The following MAP2K5 variants were observed in gnomAD, a reference collection of about 807,000 sequenced individuals.
The protein encoded by MAP2K5 is mitogen-activated protein kinase kinase 5.
MAP2K5 carries 49 observed loss-of-function variants against 83.1 expected under a neutral mutation model. The ratio of observed to expected loss-of-function variants is 0.59; its 90% CI spans 0.47 to 0.75. The LOEUF is 0.75. MAP2K5 is among the 30% of genes least tolerant of loss of function. The probability of loss-of-function intolerance (pLI) is 0.00; values close to 1 mark genes in which losing one functional copy is unlikely to be tolerated. For missense variants in MAP2K5, 457 were observed against 557.5 expected (o/e 0.82, Z 1.82); for synonymous variants, 202 against 191.8 (o/e 1.05, Z -0.44).
At chr15:67,582,415 A>G (rs1056256830) in intron 4 of MAP2K5, among the ~76,000 whole-genome samples, 2 of 152,194 alleles carry the variant, frequency 1.3e-5, no homozygotes, top group African/African-American at 2.4e-5. Context: ...GGCAAGTTTC[A>G]AAATTCTTTC....
At chr15:67,705,187 A>G (rs1344962409) in intron 16 of MAP2K5, among the ~76,000 whole-genome samples, 1 of 152,210 alleles carries the variant, frequency 6.6e-6, no homozygotes, top group Non-Finnish European at 1.5e-5. Context: ...GAGCATAACT[A>G]TTAGATTTAA....
chr15:67,637,862 G>T lies in MAP2K5; in HGVS notation c.585+6935G>T, dbSNP rs2086636274. Among the ~76,000 whole-genome samples, 1 of 151,712 alleles carries T rather than the reference G, an allele frequency of 6.6e-6. No homozygotes were observed. Among genetic ancestry groups the T allele is most frequent in the African/African-American group, 2.4e-5 (1 of 41,294 alleles). ...ATCTCATTTGTTTTCCATCTTTCAGGGATCACTGCCCCATTCTGGCTAATG... is the reference window on the plus strand; with the variant it reads ...ATCTCATTTGTTTTCCATCTTTCAGTGATCACTGCCCCATTCTGGCTAATG... On this transcript the variant is annotated intron_variant, in intron 9 of 21. Transcript: ENST00000178640. The surrounding 1 kb of genome is among the most constrained non-coding windows in gnomAD (Gnocchi z 4.5).
chr15:67,798,334 C>A (rs2090641342), intron 21 of MAP2K5, among the ~76,000 whole-genome samples: 1 of 152,234 alleles, frequency 6.6e-6, no homozygotes, highest in Non-Finnish European at 1.5e-5. Flanking sequence ...CCTGCCAGAG[C>A]AGCCACCACA....
intron 13 of MAP2K5, among the ~76,000 whole-genome samples, chr15:67,684,654 C>T (rs1596790539): frequency 6.6e-6 from 1 of 152,006 alleles, no homozygotes; most frequent in Non-Finnish European, 1.5e-5. Flanking sequence ...CACACACACA[C>T]CAGAAATAAT....
At chr15:67,631,073 C>T in intron 9 of MAP2K5, 146 bp downstream of exon 9, 1 of 618,606 alleles carries the variant, frequency 1.6e-6, no homozygotes, top group South Asian at 2.2e-5. Context: ...TCTCTGGTGA[C>T]ATTCAGACAC....
chr15:67,634,215 ATAAAT>A (rs1166981865), intron 9 of MAP2K5, among the ~76,000 whole-genome samples: 1 of 151,468 alleles, frequency 6.6e-6, no homozygotes, highest in Non-Finnish European at 1.5e-5. Flanking sequence ...AAAATAAAAA[ATAAAT>A]TAGCTGGGCA....
At chr15:67,583,326 G>A (rs1373118113) in intron 4 of MAP2K5, among the ~76,000 whole-genome samples, 1 of 152,046 alleles carries the variant, frequency 6.6e-6, no homozygotes, top group African/African-American at 2.4e-5. Context: ...ATGGGGAGAG[G>A]ATACTTAAAG....
In MAP2K5 at chr15:67,780,954, A is replaced by G. The variant is rs1455685290; in HGVS notation, c.1242+8202A>G. ...ACCTCAAGCAAGTAACTCCACATCC[A>G]GAGGTTATTAGAGAGCCAAAACCTA... On this transcript the variant is annotated intron_variant, in intron 21 of 21. Transcript: ENST00000178640. This position sits in a 1 kb window ranked among gnomAD's most constrained non-coding sequence, Gnocchi z 5.0. 1.3e-5 allele frequency among the ~76,000 whole-genome samples: 2 copies of G among 152,218 alleles called. No individual in the cohort carries two copies. The highest frequency in any genetic ancestry group is 2.9e-5 in the Non-Finnish European group (2 of 68,036).
intron 16 of MAP2K5, among the ~76,000 whole-genome samples, chr15:67,710,468 C>T (rs7168507): frequency 0.017 from 2,542 of 149,096 alleles, 83 homozygotes; most frequent in African/African-American, 0.06. Context: ...GTCATTGTCA[C>T]TGTCATCCAA....
At position 67,677,299 on chromosome 15, in the gene MAP2K5, AT is replaced by A. The variant is rs377638362; in HGVS notation, c.847+12657del. On this transcript the variant is annotated intron_variant, in intron 13 of 21. Coordinates refer to ENST00000178640, the MANE Select transcript of MAP2K5 (RefSeq NM_145160.3). This position sits in a 1 kb window ranked among gnomAD's most constrained non-coding sequence, Gnocchi z 4.2. Reference sequence around the variant, plus strand: ...TGTCCTTGGGCAAGTAATTTCATTAATTTGAACCTCAATTTCCTCCTCTGTA... The same window carrying A: ...TGTCCTTGGGCAAGTAATTTCATTAATTGAACCTCAATTTCCTCCTCTGTA... Among the ~76,000 whole-genome samples, 104 of 152,290 alleles carry A rather than the reference AT, an allele frequency of 6.8e-4. No individual in the cohort carries two copies. Among genetic ancestry groups the A allele is most frequent in the African/African-American group, 2.5e-3 (103 of 41,576 alleles).
chr15:67,592,594 T>A (rs1247061986), intron 6 of MAP2K5, among the ~76,000 whole-genome samples: 1 of 152,236 alleles, frequency 6.6e-6, no homozygotes, highest in South Asian at 2.1e-4. Flanking sequence ...CAGATGACAT[T>A]GTCCACATGA....
At chr15:67,574,835 C>A (rs377697978) in intron 3 of MAP2K5, among the ~76,000 whole-genome samples, 7 of 152,116 alleles carry the variant, frequency 4.6e-5, no homozygotes, top group Non-Finnish European at 2.9e-5. Flanking sequence ...CCGCTGCACT[C>A]CAGCCTGGGC....
Position 67,563,120 on chromosome 15 carries a change from T to C in MAP2K5, c.185-163T>C, listed in dbSNP as rs181232855. On this transcript the variant is annotated intron_variant, in intron 2 of 21. Transcript: ENST00000178640. This position sits in a 1 kb window ranked among gnomAD's most constrained non-coding sequence, Gnocchi z 4.5. ...GTTTTATATTGAGATTCTGATCATA[T>C]TCCAAATGGAAAACAAAACAACAAA... is the stretch of plus-strand genomic sequence containing the variant. 2.0e-5 allele frequency among the ~76,000 whole-genome samples: 3 copies of C among 152,230 alleles called. No homozygotes were observed. The highest frequency in any genetic ancestry group is 7.2e-5 in the African/African-American group (3 of 41,464).
chr15:67,672,843 G>A lies in MAP2K5; in HGVS notation c.847+8198G>A, dbSNP rs1200864635. Among the ~76,000 whole-genome samples, 10 of 151,232 alleles carry A rather than the reference G, an allele frequency of 6.6e-5. No homozygotes were observed. In the South Asian group the frequency reaches 2.1e-3, roughly 32 times the overall value. On this transcript the variant is annotated intron_variant, in intron 13 of 21. Coordinates refer to ENST00000178640, the MANE Select transcript of MAP2K5 (RefSeq NM_145160.3). ...CATCTTGAATTAATTTTTGTATAAGGTGTAAGGAAGGGATCCAGTTTCAGT... is the reference window on the plus strand; with the variant it reads ...CATCTTGAATTAATTTTTGTATAAGATGTAAGGAAGGGATCCAGTTTCAGT...
At chr15:67,692,665 C>T (rs1343527741) in intron 14 of MAP2K5, 113 bp downstream of exon 14, 18 of 738,872 alleles carry the variant, frequency 2.4e-5, no homozygotes, top group Non-Finnish European at 3.7e-5. Context: ...AGAAACTCTG[C>T]ATCTTTTCCT....
intron 19 of MAP2K5, among the ~76,000 whole-genome samples, chr15:67,766,472 A>G (rs1217872478): frequency 6.6e-6 from 1 of 152,194 alleles, no homozygotes; most frequent in Non-Finnish European, 1.5e-5. Context: ...ATATTTCTCC[A>G]TCTTGCCAGA....
chr15:67,738,975 C>G lies in MAP2K5; in HGVS notation c.1075-9256C>G, dbSNP rs539683859. ...AATATGGGAGGTGTGAAGTAAAACT[C>G]TGAATCAAATATCAAACATTGGAGC... is the stretch of plus-strand genomic sequence containing the variant. On this transcript the variant is annotated intron_variant, in intron 17 of 21. Transcript: ENST00000178640. This position sits in a 1 kb window ranked among gnomAD's most constrained non-coding sequence, Gnocchi z 4.1. 6.6e-6 allele frequency among the ~76,000 whole-genome samples: 1 copy of G among 152,018 alleles called. No individual in the cohort carries two copies. Among genetic ancestry groups the G allele is most frequent in the African/African-American group, 2.4e-5 (1 of 41,408 alleles).
intron 11 of MAP2K5, among the ~76,000 whole-genome samples, chr15:67,656,802 A>G (rs896586200): frequency 6.6e-6 from 1 of 152,132 alleles, no homozygotes. Context: ...CTAATGTTTG[A>G]TAGGTCTAAC....
chr15:67,625,772 C>T (rs190347788), intron 8 of MAP2K5, among the ~76,000 whole-genome samples: 60 of 152,292 alleles, frequency 3.9e-4, no homozygotes, highest in Middle Eastern at 3.4e-3. Context: ...CTTTATTCCT[C>T]GAAATCGAAC....
Sources: gnomAD v4.1 joint callset for allele counts (sites outside exome capture counted in the v4.1 genomes callset) on GRCh38, gnomAD v4.1.1 for gene constraint, Gnocchi (gnomAD v3.1) non-coding constraint, MANE v1.5 for transcripts, NCBI Gene and HGNC (gene_info 2026-07-23, HGNC 2026-07-21) for gene names.